Variants in VAC14 observed in about 807,000 individuals in gnomAD.
The protein encoded by VAC14 is VAC14 component of PIKFYVE complex.
A neutral mutation model predicts 85.3 loss-of-function variants in VAC14; 47 were observed. That is an observed-to-expected ratio of 0.55 (90% CI 0.44 to 0.70). The LOEUF (loss-of-function observed/expected upper bound fraction) is 0.70. Ranked by LOEUF, VAC14 falls within the 30% of genes least tolerant of loss-of-function variation. The pLI, the probability that VAC14 is intolerant of heterozygous loss-of-function variation, is 0.00. For missense variants in VAC14, 861 were observed against 1,004.3 expected (o/e 0.86, Z 1.93); for synonymous variants, 447 against 430.5 (o/e 1.04, Z -0.47).
chr16:70,757,833 A>G (rs543112319), intron 12 of VAC14, among the ~76,000 whole-genome samples: 3 of 152,318 alleles, frequency 2.0e-5, no homozygotes, highest in Non-Finnish European at 4.4e-5. Flanking sequence ...ATCTCATTTC[A>G]TCCTTATAAC....
chr16:70,780,633 C>A (rs944777417), intron 9 of VAC14, among the ~76,000 whole-genome samples, 157 bp downstream of exon 9: 3 of 152,188 alleles, frequency 2.0e-5, no homozygotes, highest in African/African-American at 7.2e-5. Flanking sequence ...TGGGGGAGAA[C>A]CACTGCTGCC....
intron 1 of VAC14, among the ~76,000 whole-genome samples, chr16:70,800,466 T>C (rs2034733966): frequency 6.6e-6 from 1 of 152,162 alleles, no homozygotes; most frequent in Non-Finnish European, 1.5e-5. Context: ...CAGAGACAAC[T>C]CTCTGATTTG....
At chr16:70,708,679 C>G (rs1227855045) in intron 14 of VAC14, among the ~76,000 whole-genome samples, 1 of 152,194 alleles carries the variant, frequency 6.6e-6, no homozygotes, top group Non-Finnish European at 1.5e-5. Context: ...GGCGTGTAAC[C>G]CTGTGCTGGA....
chr16:70,784,286 A>T, intron 4 of VAC14, 66 bp from the exon 5 acceptor site: 2 of 1,388,304 alleles, frequency 1.4e-6, no homozygotes, highest in Non-Finnish European at 1.0e-6. Flanking sequence ...TCGCTGAATC[A>T]CTTGCCCAGG....
At chr16:70,708,921 T>C (rs998902312) in intron 14 of VAC14, among the ~76,000 whole-genome samples, 12 of 152,130 alleles carry the variant, frequency 7.9e-5, no homozygotes, top group Non-Finnish European at 1.8e-4. Context: ...GAATCCTCAG[T>C]GCAAATGAAA....
intron 14 of VAC14, among the ~76,000 whole-genome samples, chr16:70,718,334 A>T (rs1290108619): frequency 2.0e-5 from 3 of 151,888 alleles, no homozygotes; most frequent in Non-Finnish European, 4.4e-5. Context: ...GCACTTTGGG[A>T]GGCCAAGGCG....
chr16:70,761,935 C>A (rs139865573), intron 12 of VAC14, among the ~76,000 whole-genome samples: 1 of 152,114 alleles, frequency 6.6e-6, no homozygotes, highest in Non-Finnish European at 1.5e-5. Flanking sequence ...CCTCATTGAA[C>A]AGAGGAAAAC....
At chr16:70,790,788 A>C (rs1041767498) in intron 1 of VAC14, among the ~76,000 whole-genome samples, 1 of 152,150 alleles carries the variant, frequency 6.6e-6, no homozygotes. Flanking sequence ...TACAAAAATG[A>C]CAGCCCATTC....
chr16:70,784,134 G>A lies in VAC14; in HGVS notation c.573C>T (p.Ala191=). 2 of 1,614,190 alleles carry A rather than the reference G, an allele frequency of 1.2e-6. No individual in the cohort carries two copies. The highest frequency in any genetic ancestry group is 1.1e-5 in the South Asian group (1 of 91,076). The change falls in exon 5 of 19, where the codon GCC becomes GCT. Residue 191 remains alanine, a synonymous_variant. Transcript: ENST00000261776. ...TTACCCAGGAGATGATGAACTGCCG[G>A]GCATACTGGTTGTTGGAGTAAATCC... The part of the protein sequence containing the change: ...RERIYSNNQY[A]RQFIISWILV...
intron 14 of VAC14, among the ~76,000 whole-genome samples, chr16:70,728,763 T>A (rs1394950113): frequency 6.6e-6 from 1 of 152,240 alleles, no homozygotes; most frequent in Non-Finnish European, 1.5e-5. Context: ...GGACTCTAGC[T>A]ATAGATTCCT....
chr16:70,724,888 G>C (rs1043379201), intron 14 of VAC14, among the ~76,000 whole-genome samples: 2 of 152,348 alleles, frequency 1.3e-5, no homozygotes, highest in East Asian at 3.9e-4. Context: ...ATACGGCTAC[G>C]GACTTATGAA....
At position 70,800,926 on chromosome 16, in the gene VAC14, C is replaced by A; in HGVS notation, c.-26G>T. 6.5e-7 allele frequency: 1 copy of A among 1,530,588 alleles called. No homozygotes were observed. 94.8% of individuals were successfully genotyped at this position (1,530,588 alleles called of 1,614,324 possible). On this transcript the variant is annotated 5_prime_UTR_variant, in exon 1 of 19. Transcript: ENST00000261776. Reference sequence around the variant, plus strand: ...GGTGGCAGCTGGGGGAACCTCGCGACTCCTTAGCCCGCGGCTGCCGGGGCC... The same window carrying A: ...GGTGGCAGCTGGGGGAACCTCGCGAATCCTTAGCCCGCGGCTGCCGGGGCC...
intron 12 of VAC14, among the ~76,000 whole-genome samples, chr16:70,752,237 G>A (rs1358997147): frequency 1.3e-5 from 2 of 152,366 alleles, no homozygotes; most frequent in Non-Finnish European, 2.9e-5. Context: ...CTGACTGTTA[G>A]GTTCCACTGA....
At chr16:70,698,587 C>T (rs748512331) in intron 15 of VAC14, 50 bp downstream of exon 15, 2 of 1,606,812 alleles carry the variant, frequency 1.2e-6, no homozygotes, top group African/African-American at 1.3e-5. Flanking sequence ...CAGGGTGTGC[C>T]CCCTGGCATG....
At chr16:70,770,214 C>A (rs1420067899) in intron 10 of VAC14, 2 of 152,276 alleles carry the variant, frequency 1.3e-5, no homozygotes, top group East Asian at 1.9e-4. Flanking sequence ...CTTTCCCTCA[C>A]CTCTCTCCTG....
rs557409725 is a variant in VAC14 at position 70,689,065 on chromosome 16, G to C, written c.2187-975C>G. On this transcript the variant is annotated intron_variant, in intron 18 of 18. Coordinates refer to ENST00000261776, the MANE Select transcript of VAC14 (RefSeq NM_018052.5). ...TTTATGAAAAGATGCCAATCGGCGG[G>C]GCCGGGAAGGGGGGTGCAGGCACTG... 5.3e-5 allele frequency: 52 copies of C among 985,250 alleles called. No homozygotes were observed. In the African/African-American group the frequency reaches 8.7e-4, roughly 17 times the overall value. The allele number at this position is 985,250 out of a possible 1,614,324, so 61.0% of individuals were successfully genotyped here. A position where few individuals can be genotyped will look rare whatever the true frequency, so the allele number is the denominator to read the frequency against.
intron 17 of VAC14, among the ~76,000 whole-genome samples, chr16:70,694,705 T>C (rs1484827268): frequency 6.6e-6 from 1 of 152,224 alleles, no homozygotes; most frequent in Non-Finnish European, 1.5e-5. Flanking sequence ...ATAAGCGTCA[T>C]TCAAAGTGTG....
intron 14 of VAC14, among the ~76,000 whole-genome samples, chr16:70,706,362 C>A (rs1362925823): frequency 6.6e-6 from 1 of 152,230 alleles, no homozygotes; most frequent in Non-Finnish European, 1.5e-5. Context: ...CTGGGCAAAC[C>A]AGCAGGAGGG....
Position 70,762,935 on chromosome 16 carries a change from G to C in VAC14, c.1251C>G (p.Thr417=). The C allele has an allele frequency of 6.2e-7, 1 of 1,614,224 alleles. No homozygotes were observed. The highest frequency in any genetic ancestry group is 1.3e-5 in the African/African-American group (1 of 75,056). Residue 417 remains threonine (T), a synonymous_variant, in exon 11 of 19, where the codon ACC becomes ACG. Transcript: ENST00000261776. The surrounding 1 kb of genome is among the most constrained non-coding windows in gnomAD (Gnocchi z 4.1). ...HLSDTAIGMM[T]RIAVLKWLYH... is the part of the protein sequence containing the mutation. ...AGAGCCACTTGAGAACTGCAATCCTGGTCATCATCCCAATGGCCGTGTCAC... is the reference window on the plus strand; with the variant it reads ...AGAGCCACTTGAGAACTGCAATCCTCGTCATCATCCCAATGGCCGTGTCAC...
Sources: allele counts gnomAD v4.1 joint callset (sites outside exome capture counted in the v4.1 genomes callset), GRCh38; gene constraint gnomAD v4.1.1; non-coding constraint Gnocchi (gnomAD v3.1); transcripts MANE v1.5; gene names NCBI Gene and HGNC (gene_info 2026-07-23, HGNC 2026-07-21).